GPC6: variants seen among roughly 807,000 people sequenced by gnomAD.
GPC6 encodes glypican-6.
Under a neutral mutation model 55.2 loss-of-function variants are expected in GPC6, and 14 were observed. The ratio of observed to expected loss-of-function variants is 0.25; its 90% confidence interval spans 0.17 to 0.40. The LOEUF is 0.40. GPC6 is among the 10% of genes least tolerant of loss of function. The pLI, the probability that GPC6 is intolerant of heterozygous loss-of-function variation, is 1.00. For synonymous variants in GPC6, 278 were observed against 259.6 expected (o/e 1.07, Z -0.68); for missense variants, 641 against 708.5 (o/e 0.90, Z 1.08).
intron 1 of GPC6, among the ~76,000 whole-genome samples, chr13:93,431,327 A>G (rs1176115110): frequency 6.6e-6 from 1 of 152,144 alleles, no homozygotes; most frequent in East Asian, 1.9e-4. Context: ...TTTATGAGAA[A>G]GGACACATTT....
At chr13:94,184,444 A>G (rs1236760369) in intron 4 of GPC6, among the ~76,000 whole-genome samples, 2 of 152,168 alleles carry the variant, frequency 1.3e-5, no homozygotes, top group East Asian at 1.9e-4. Context: ...ATCAATAAGC[A>G]AAAAACAAAT....
intron 1 of GPC6, among the ~76,000 whole-genome samples, chr13:93,366,442 G>A (rs966018350): frequency 6.6e-6 from 1 of 152,006 alleles, no homozygotes; most frequent in African/African-American, 2.4e-5. Flanking sequence ...ATGCAGTGTT[G>A]CAGATAATGT....
chr13:93,423,153 T>G (rs1876988330), intron 1 of GPC6, among the ~76,000 whole-genome samples: 2 of 152,290 alleles, frequency 1.3e-5, no homozygotes, highest in Admixed American at 6.5e-5. Context: ...CCTCATATGA[T>G]TCTGTTAAGG....
chr13:93,759,560 A>G (rs1440780643), intron 2 of GPC6, among the ~76,000 whole-genome samples: 2 of 152,182 alleles, frequency 1.3e-5, no homozygotes, highest in African/African-American at 4.8e-5. Flanking sequence ...TCCTATTGCC[A>G]TAACTCACCT....
chr13:93,605,624 G>C (rs1379521431), intron 2 of GPC6, among the ~76,000 whole-genome samples: 1 of 151,530 alleles, frequency 6.6e-6, no homozygotes, highest in Non-Finnish European at 1.5e-5. Flanking sequence ...ATCACCTAAG[G>C]TCAGGAGTTC....
intron 2 of GPC6, among the ~76,000 whole-genome samples, chr13:93,556,011 C>T (rs1277793544): frequency 2.6e-5 from 4 of 152,148 alleles, no homozygotes; most frequent in Non-Finnish European, 4.4e-5. Flanking sequence ...AACAGGCCTC[C>T]ATATCTAAGG....
Position 94,130,448 on chromosome 13 carries a change from G to T in GPC6, c.877+102554G>T, listed in dbSNP as rs184406702. 2.0e-4 allele frequency among the ~76,000 whole-genome samples: 30 copies of T among 152,212 alleles called. No homozygotes were observed. The East Asian group carries it at 5.6e-3, about 28-fold the overall frequency. On this transcript the variant is annotated intron_variant, in intron 4 of 8. Transcript: ENST00000377047. The stretch of plus-strand genomic sequence containing the variant: ...GTAAGTGTTAATACCATAGCACTGT[G>T]TTAGAACAAAAAATGTATTTAGTTT...
chr13:93,291,935 T>G (rs1878332382), intron 1 of GPC6, among the ~76,000 whole-genome samples: 1 of 152,156 alleles, frequency 6.6e-6, no homozygotes, highest in African/African-American at 2.4e-5. Flanking sequence ...AAATTTTCAG[T>G]GTTACATACA....
intron 5 of GPC6, among the ~76,000 whole-genome samples, chr13:94,291,810 G>A (rs1874993417): frequency 6.6e-6 from 1 of 150,658 alleles, no homozygotes; most frequent in Non-Finnish European, 1.5e-5. Flanking sequence ...CCAGAAATAT[G>A]GTTAACTTCT....
At chr13:93,318,095 G>T (rs985622386) in intron 1 of GPC6, among the ~76,000 whole-genome samples, 1 of 152,172 alleles carries the variant, frequency 6.6e-6, no homozygotes, top group African/African-American at 2.4e-5. Flanking sequence ...CCAAAGACAT[G>T]GAGTGGTACT....
chr13:93,242,282 C>T (rs1339138582), intron 1 of GPC6, among the ~76,000 whole-genome samples: 3 of 152,130 alleles, frequency 2.0e-5, no homozygotes, highest in Non-Finnish European at 1.5e-5. Flanking sequence ...AGGAAGGGTG[C>T]TACCTCAGCT....
At chr13:94,184,709 C>T (rs186947216) in intron 4 of GPC6, among the ~76,000 whole-genome samples, 20 of 152,110 alleles carry the variant, frequency 1.3e-4, no homozygotes, top group South Asian at 6.2e-4. Flanking sequence ...AAATTGTTTC[C>T]GCCTTTGTGG....
At chr13:93,387,054 T>C (rs1434954425) in intron 1 of GPC6, among the ~76,000 whole-genome samples, 1 of 152,116 alleles carries the variant, frequency 6.6e-6, no homozygotes, top group Non-Finnish European at 1.5e-5. Context: ...GGTCATATCC[T>C]GTGGTTTCAG....
intron 4 of GPC6, among the ~76,000 whole-genome samples, chr13:94,181,314 G>T (rs1216919487): frequency 6.6e-6 from 1 of 152,044 alleles, no homozygotes; most frequent in Non-Finnish European, 1.5e-5. Context: ...ACCCCTGGAG[G>T]CCCAGCTGTA....
chr13:93,453,241 A>T (rs941511718), intron 1 of GPC6, among the ~76,000 whole-genome samples: 4 of 152,268 alleles, frequency 2.6e-5, no homozygotes, highest in Admixed American at 2.6e-4. Context: ...TAATTCTAAA[A>T]TCCTTCCTCT....
chr13:93,696,637 A>G (rs1241333516), intron 2 of GPC6, among the ~76,000 whole-genome samples: 1 of 138,988 alleles, frequency 7.2e-6, no homozygotes, highest in East Asian at 2.0e-4. Flanking sequence ...TTTTTTAGGC[A>G]GAGTCTCCCT....
chr13:93,432,739 A>G (rs757832048), intron 1 of GPC6, among the ~76,000 whole-genome samples: 19 of 152,210 alleles, frequency 1.2e-4, no homozygotes, highest in Non-Finnish European at 2.6e-4. Context: ...TAGAAAAGTA[A>G]TGATATTTAT....
At chr13:94,053,870 A>G (rs1158001006) in intron 4 of GPC6, among the ~76,000 whole-genome samples, 1 of 152,194 alleles carries the variant, frequency 6.6e-6, no homozygotes, top group Non-Finnish European at 1.5e-5. Context: ...CAGAAAAGCT[A>G]CCTAGTTTAA....
intron 6 of GPC6, among the ~76,000 whole-genome samples, chr13:94,355,211 A>G (rs1367626504): frequency 6.6e-6 from 1 of 152,020 alleles, no homozygotes; most frequent in Non-Finnish European, 1.5e-5. Context: ...TTTAGTAGAG[A>G]CAGGGTTTCA....
Sources: allele counts gnomAD v4.1 joint callset (sites outside exome capture counted in the v4.1 genomes callset), GRCh38; gene constraint gnomAD v4.1.1; transcripts MANE v1.5; gene names NCBI Gene and HGNC (gene_info 2026-07-23, HGNC 2026-07-21).